The following TCF12 variants were observed in gnomAD, a reference collection of about 807,000 sequenced individuals.
The protein encoded by TCF12 is transcription factor 12, also known as DNA-binding protein HTF4.
In TCF12, 45 loss-of-function variants were observed where a neutral mutation model predicts 86.0. The ratio of observed to expected loss-of-function variants is 0.52; its 90% CI spans 0.41 to 0.67. The LOEUF is 0.67. Ranked by LOEUF, TCF12 falls within the 30% of genes least tolerant of loss-of-function variation. The pLI is 0.00. For synonymous variants in TCF12, 330 were observed against 299.6 expected, an observed-to-expected ratio of 1.10 and a Z score of -1.05; for missense variants, 881 against 859.9, an observed-to-expected ratio of 1.02 and a Z score of -0.31.
chr15:56,942,002 A>G (rs1247991034), intron 3 of TCF12, among the ~76,000 whole-genome samples: 1 of 152,048 alleles, frequency 6.6e-6, no homozygotes, highest in Non-Finnish European at 1.5e-5. Flanking sequence ...TGAAATATAG[A>G]ATATATTTTC....
At chr15:56,948,588 T>G (rs213167) in intron 3 of TCF12, among the ~76,000 whole-genome samples, 1 of 152,186 alleles carries the variant, frequency 6.6e-6, no homozygotes, top group African/African-American at 2.4e-5. Flanking sequence ...GTAACAAATA[T>G]CAGTAAAGTT....
At chr15:57,027,754 C>T (rs1411775095) in intron 3 of TCF12, among the ~76,000 whole-genome samples, 3 of 152,074 alleles carry the variant, frequency 2.0e-5, no homozygotes, top group Non-Finnish European at 4.4e-5. Context: ...TCAGGATTCC[C>T]CACGTGAATC....
chr15:57,186,491 C>T (rs1041275664), intron 6 of TCF12, among the ~76,000 whole-genome samples: 2 of 151,940 alleles, frequency 1.3e-5, no homozygotes, highest in Admixed American at 1.3e-4. Flanking sequence ...AGAGTGAGAC[C>T]GTCTCGAAGA....
At chr15:57,044,762 TTCA>T (rs2067121861) in intron 3 of TCF12, among the ~76,000 whole-genome samples, 1 of 152,190 alleles carries the variant, frequency 6.6e-6, no homozygotes, top group Admixed American at 6.5e-5. Context: ...TTAGTAAGAA[TTCA>T]TTATTTTCAA....
chr15:57,213,904 T>C (rs1391466396), intron 8 of TCF12, among the ~76,000 whole-genome samples: 12 of 152,258 alleles, frequency 7.9e-5, no homozygotes, highest in Non-Finnish European at 1.2e-4. Context: ...TCAGAAGTGC[T>C]GGTTTCTTAA....
intron 19 of TCF12, among the ~76,000 whole-genome samples, chr15:57,274,009 C>A (rs1483536676): frequency 1.3e-5 from 2 of 152,170 alleles, no homozygotes; most frequent in Admixed American, 1.3e-4. Flanking sequence ...AGCTTCTTAT[C>A]TTTAAGAGGT....
intron 3 of TCF12, among the ~76,000 whole-genome samples, chr15:56,990,145 T>G (rs1319744328): frequency 7.1e-6 from 1 of 139,970 alleles, no homozygotes; most frequent in Non-Finnish European, 1.5e-5. Context: ...TTAGGCATAG[T>G]CTTGTCTTTT....
chr15:57,266,033 A>G (rs1417368115), intron 18 of TCF12, among the ~76,000 whole-genome samples: 3 of 152,102 alleles, frequency 2.0e-5, no homozygotes, highest in Non-Finnish European at 2.9e-5. Context: ...TAAACAAGCA[A>G]ATTATGGCCC....
At position 57,231,254 on chromosome 15, in the gene TCF12, C is replaced by A; in HGVS notation, c.682C>A (p.Gln228Lys). 6.2e-7 allele frequency: 1 copy of A among 1,605,000 alleles called. No homozygotes were observed. The highest frequency in any genetic ancestry group is 1.1e-5 in the South Asian group (1 of 90,892). The change falls in exon 9 of 21, where the codon CAA (glutamine) becomes AAA (lysine). Residue 228 changes from glutamine to lysine, a missense_variant. Physicochemically the swap from Gln to Lys is moderately conservative, Grantham distance 53. Transcript: ENST00000333725. Reference protein sequence around the residue: ...TSMFASTFFMQDGTHNSSDLW... With the variant: ...TSMFASTFFMKDGTHNSSDLW... ...TATGTTCGCTAGCACTTTCTTTATG[C>A]AAGGTAAGTACTACCAAACAATTGC... is the stretch of plus-strand genomic sequence containing the variant.
chr15:57,170,744 ATTATATATTATATATT>A (rs2055383329), intron 6 of TCF12, among the ~76,000 whole-genome samples: 1 of 35,616 alleles, frequency 2.8e-5, no homozygotes, highest in Non-Finnish European at 5.2e-5. Flanking sequence ...TATAATATAT[ATTATATATTATATATT>A]ATATATATAT....
chr15:57,126,413 C>T (rs1440855404), intron 5 of TCF12, among the ~76,000 whole-genome samples: 3 of 152,100 alleles, frequency 2.0e-5, no homozygotes, highest in Non-Finnish European at 4.4e-5. Flanking sequence ...AAAAAGGTAA[C>T]TGAATTTTTC....
Position 57,289,451 on chromosome 15 carries a change from C to T in TCF12, c.*3306C>T, listed in dbSNP as rs142988534. The stretch of plus-strand genomic sequence containing the variant: ...ACACTTAAAACTTTCCCTACAAAAC[C>T]TCCCTGCCTTGACTTTCTCTTTCTC... On this transcript the variant is annotated 3_prime_UTR_variant, in exon 21 of 21. Transcript: ENST00000333725. 1.7e-4 allele frequency: 26 copies of T among 152,270 alleles called. No homozygotes were observed. The highest frequency in any genetic ancestry group is 6.3e-4 in the African/African-American group (26 of 41,562). The allele number at this position is 152,270 out of a possible 1,614,324, so 9.4% of individuals were successfully genotyped here. A position where few individuals can be genotyped will look rare whatever the true frequency, so the allele number is the denominator to read the frequency against.
At chr15:56,926,059 C>G (rs1303402938) in intron 3 of TCF12, among the ~76,000 whole-genome samples, 1 of 152,196 alleles carries the variant, frequency 6.6e-6, no homozygotes, top group East Asian at 1.9e-4. Flanking sequence ...CGCCTGTAAT[C>G]ACAGCGTTTT....
rs775677032 is a variant in TCF12 at position 57,166,466 on chromosome 15, A to G, written c.390A>G (p.Gln130=). 3 of 1,611,974 alleles carry G rather than the reference A, an allele frequency of 1.9e-6. No homozygotes were observed. The highest frequency in any genetic ancestry group is 2.2e-5 in the East Asian group (1 of 44,752). The change falls in exon 6 of 21, where the codon CAA becomes CAG. Residue 130 remains glutamine (Q), a splice_region_variant and synonymous_variant. Transcript: ENST00000333725. ...GAGATACTGGATTACCAGGCTGTCA[A>G]GTAAGTTTAATGATTAAAAAAAGCA... ...YSRDTGLPGC[Q]SSLLRQDLGL...
At chr15:57,025,641 C>T (rs1290844912) in intron 3 of TCF12, among the ~76,000 whole-genome samples, 2 of 152,110 alleles carry the variant, frequency 1.3e-5, no homozygotes, top group African/African-American at 4.8e-5. Context: ...CGCCTGGTCT[C>T]CAGATGCAGA....
intron 5 of TCF12, among the ~76,000 whole-genome samples, chr15:57,101,509 C>T (rs1280549662): frequency 6.6e-6 from 1 of 152,164 alleles, no homozygotes; most frequent in Non-Finnish European, 1.5e-5. Context: ...CATGCCTGGC[C>T]CCTGATTTTA....
chr15:57,160,412 G>T (rs564997536), intron 5 of TCF12, among the ~76,000 whole-genome samples: 1 of 152,132 alleles, frequency 6.6e-6, no homozygotes, highest in Non-Finnish European at 1.5e-5. Flanking sequence ...CCCATGGTTC[G>T]ATTACCTCCC....
At chr15:57,278,802 CCT>C (rs1361160333) in intron 19 of TCF12, 8 of 148,202 alleles carry the variant, frequency 5.4e-5, no homozygotes, top group African/African-American at 2.0e-4. Flanking sequence ...TCTCTCCGTC[CCT>C]GTCTCTCCTT....
At chr15:57,155,371 C>G (rs2054044365) in intron 5 of TCF12, among the ~76,000 whole-genome samples, 1 of 152,174 alleles carries the variant, frequency 6.6e-6, no homozygotes, top group Admixed American at 6.5e-5. Flanking sequence ...TATGACCCAT[C>G]AAGAAGTTGA....
Sources: gnomAD v4.1 joint callset for allele counts (sites outside exome capture counted in the v4.1 genomes callset) on GRCh38, gnomAD v4.1.1 for gene constraint, MANE v1.5 for transcripts, NCBI Gene and HGNC (gene_info 2026-07-23, HGNC 2026-07-21) for gene names.